The following CFAP43 variants were observed in gnomAD, a reference collection of about 807,000 sequenced individuals.
CFAP43 encodes the protein cilia and flagella associated protein 43, also known as cilia- and flagella-associated protein 43.
CFAP43 carries 155 observed loss-of-function variants against 218.9 expected under a neutral mutation model. The observed-to-expected ratio is 0.71, with a 90% confidence interval of 0.62 to 0.81. CFAP43 has a LOEUF of 0.81. Ranked by LOEUF, CFAP43 falls within the 30% of genes least tolerant of loss-of-function variation. The pLI, the probability that CFAP43 is intolerant of heterozygous loss-of-function variation, is 0.00. For synonymous variants in CFAP43, 645 were observed against 681.3 expected (o/e 0.95, Z 0.83); for missense variants, 1,778 against 1,954.3 (o/e 0.91, Z 1.70).
intron 3 of CFAP43, among the ~76,000 whole-genome samples, chr10:104,222,381 G>T: frequency 6.6e-6 from 1 of 152,276 alleles, no homozygotes. Flanking sequence ...TGCAGCACCC[G>T]AGGGTGCCAT....
intron 7 of CFAP43, among the ~76,000 whole-genome samples, chr10:104,204,717 G>GTAT (rs1486906331): frequency 6.6e-6 from 1 of 152,170 alleles, no homozygotes; most frequent in Non-Finnish European, 1.5e-5. Context: ...AAGTGTAGGT[G>GTAT]TATGTGCTCC....
intron 33 of CFAP43, 118 bp downstream of exon 33, chr10:104,142,163 T>C: frequency 1.3e-6 from 1 of 752,026 alleles, no homozygotes; most frequent in Non-Finnish European, 2.1e-6. Flanking sequence ...TAAAGCACAG[T>C]GCTGGAAGGG....
At chr10:104,152,852 G>A in intron 27 of CFAP43, 126 bp from the exon 28 acceptor site, 1 of 977,378 alleles carries the variant, frequency 1.0e-6, no homozygotes, top group Non-Finnish European at 1.5e-6. Context: ...TCTGGGCTCT[G>A]TACTCTCTTA....
At chr10:104,230,338 A>C (rs1353445660) in intron 2 of CFAP43, among the ~76,000 whole-genome samples, 1 of 151,830 alleles carries the variant, frequency 6.6e-6, no homozygotes. Context: ...GGTGGTGCGC[A>C]CCTGTAATCC....
At position 104,130,139 on chromosome 10, in the gene CFAP43, T is replaced by C. The variant is rs769603551; in HGVS notation, c.4998A>G (p.Ter1666=). 6.4e-7 allele frequency: 1 copy of C among 1,571,200 alleles called. No homozygotes were observed. The highest frequency in any genetic ancestry group is 2.3e-5 in the East Asian group (1 of 43,292). The stretch of plus-strand genomic sequence containing the variant: ...GCCTTGTGTTTTCCTGCCAGCGTTT[T>C]TACATTTGAACAAGAGCAGGAAATG... ...MKTFPALVQM[*] is the part of the protein sequence containing the mutation. Residue 1666 remains the stop codon, a stop_retained_variant, in exon 38 of 38, where the codon TAA becomes TAG. Transcript: ENST00000357060.
At position 104,130,317 on chromosome 10, in the gene CFAP43, A is replaced by G. The variant is rs1308222738; in HGVS notation, c.4832-12T>C. ...AGTCAGTTTAGACCCTATCCCAAAA[A>G]TGAATAAAGGAATTCGATTATTTAT... On this transcript the variant is annotated splice_polypyrimidine_tract_variant and intron_variant, in intron 37 of 37. Transcript: ENST00000357060. 7 of 1,599,770 alleles carry G rather than the reference A, an allele frequency of 4.4e-6. No homozygotes were observed. The highest frequency in any genetic ancestry group is 1.7e-4 in the Middle Eastern group (1 of 6,034).
At chr10:104,218,587 A>G (rs1350350906) in intron 3 of CFAP43, among the ~76,000 whole-genome samples, 2 of 152,084 alleles carry the variant, frequency 1.3e-5, no homozygotes, top group African/African-American at 4.8e-5. Flanking sequence ...TCATTCCAGC[A>G]TGTAGTCAGT....
chr10:104,196,943 A>T lies in CFAP43; in HGVS notation c.1213-10T>A. The T allele has an allele frequency of 6.2e-7, 1 of 1,604,248 alleles. No homozygotes were observed. ...CTGAATATGTAAGTGTCTGTAAAAA[A>T]AGAAAAACAAAAACTCTACATGGAA... On this transcript the variant is annotated splice_polypyrimidine_tract_variant and intron_variant, in intron 9 of 37. Transcript: ENST00000357060.
At chr10:104,226,707 A>G (rs1173241385) in intron 2 of CFAP43, among the ~76,000 whole-genome samples, 1 of 152,164 alleles carries the variant, frequency 6.6e-6, no homozygotes. Flanking sequence ...TTTTATAGCT[A>G]TACTAGCCAT....
chr10:104,171,828 T>C (rs933819019), intron 20 of CFAP43, among the ~76,000 whole-genome samples: 13 of 152,212 alleles, frequency 8.5e-5, no homozygotes, highest in African/African-American at 3.1e-4. Flanking sequence ...GAAAATAATT[T>C]GAATTCTTCT....
Position 104,193,990 on chromosome 10 carries a change from A to T in CFAP43, c.1318T>A (p.Ser440Thr). 1 of 1,613,890 alleles carries T rather than the reference A, an allele frequency of 6.2e-7. No homozygotes were observed. Among genetic ancestry groups the T allele is most frequent in the Non-Finnish European group, 8.5e-7 (1 of 1,180,020 alleles). Reference protein sequence around the residue: ...TLATVLACCPSSLSAAVGTED... With the variant: ...TLATVLACCPTSLSAAVGTED... Reference sequence around the variant, plus strand: ...GTGCCCACGGCTGCAGAGAGGGAGGATGGACAGCAAGCCAGAACCGTTGCC... The same window carrying T: ...GTGCCCACGGCTGCAGAGAGGGAGGTTGGACAGCAAGCCAGAACCGTTGCC... Residue 440 changes from serine to threonine, a missense_variant, in exon 11 of 38, where the codon TCC (serine) becomes ACC (threonine). Transcript: ENST00000357060.
chr10:104,185,033 A>G lies in CFAP43; in HGVS notation c.2124T>C (p.Leu708=). 2 of 1,614,124 alleles carry G rather than the reference A, an allele frequency of 1.2e-6. No homozygotes were observed. Among genetic ancestry groups the G allele is most frequent in the Non-Finnish European group, 1.7e-6 (2 of 1,179,990 alleles). ...ILVNGRDDGT[L]VYLKWKRFGG... is the part of the protein sequence containing the mutation. Reference sequence around the variant, plus strand: ...GTACGTACTTCCACTTTAGGTAGACAAGGGTGCCATCATCTCTCCCATTCA... The same window carrying G: ...GTACGTACTTCCACTTTAGGTAGACGAGGGTGCCATCATCTCTCCCATTCA... Residue 708 remains leucine, a synonymous_variant, in exon 16 of 38, where the codon CTT becomes CTC. Coordinates refer to ENST00000357060, the MANE Select transcript of CFAP43 (RefSeq NM_025145.7).
chr10:104,179,475 T>C (rs2089747984), intron 18 of CFAP43, among the ~76,000 whole-genome samples: 1 of 152,192 alleles, frequency 6.6e-6, no homozygotes, highest in East Asian at 1.9e-4. Context: ...CCTGAATAGC[T>C]GCAGCCACAG....
At chr10:104,158,120 T>C (rs1386323568) in intron 27 of CFAP43, among the ~76,000 whole-genome samples, 3 of 152,162 alleles carry the variant, frequency 2.0e-5, no homozygotes, top group Non-Finnish European at 4.4e-5. Context: ...AGCTCTTCTT[T>C]GCAGAAGAAT....
intron 23 of CFAP43, among the ~76,000 whole-genome samples, chr10:104,165,360 T>C (rs2134825187): frequency 6.6e-6 from 1 of 152,316 alleles, no homozygotes; most frequent in East Asian, 1.9e-4. Flanking sequence ...ATTACCTCCT[T>C]GTAGGAAAAC....
intron 27 of CFAP43, among the ~76,000 whole-genome samples, chr10:104,155,501 ATAACC>A (rs1351729894): frequency 3.9e-5 from 6 of 152,296 alleles, no homozygotes; most frequent in Admixed American, 3.3e-4. Context: ...CAGTTACTAT[ATAACC>A]GTCTTCACTC....
intron 22 of CFAP43, among the ~76,000 whole-genome samples, chr10:104,167,140 C>T (rs2089194362): frequency 6.6e-6 from 1 of 152,056 alleles, no homozygotes; most frequent in African/African-American, 2.4e-5. Flanking sequence ...AGAGTGGGTG[C>T]AAAGTTCTGA....
chr10:104,219,401 T>A (rs562653279), intron 3 of CFAP43, among the ~76,000 whole-genome samples: 1 of 152,336 alleles, frequency 6.6e-6, no homozygotes, highest in African/African-American at 2.4e-5. Flanking sequence ...TCATGCCTTG[T>A]TTCCTTCCAA....
rs1458991602 is a variant in CFAP43 at position 104,179,189 on chromosome 10, C to T, written c.2383-83G>A. On this transcript the variant is annotated intron_variant, in intron 18 of 37. Coordinates refer to ENST00000357060, the MANE Select transcript of CFAP43 (RefSeq NM_025145.7). Reference sequence around the variant, plus strand: ...AGAGAGAGAGAGAGAGAGCAATTCTCTAGAAACAGAAACTAAAATTTGTAA... The same window carrying T: ...AGAGAGAGAGAGAGAGAGCAATTCTTTAGAAACAGAAACTAAAATTTGTAA... 4 of 1,205,092 alleles carry T rather than the reference C, an allele frequency of 3.3e-6. No individual in the cohort carries two copies. The South Asian group carries it at 4.2e-5, about 13-fold the overall frequency. 74.6% of individuals were successfully genotyped at this position (1,205,092 alleles called of 1,614,324 possible).
Sources: gnomAD v4.1 joint callset for allele counts (sites outside exome capture counted in the v4.1 genomes callset) on GRCh38, gnomAD v4.1.1 for gene constraint, MANE v1.5 for transcripts, NCBI Gene and HGNC (gene_info 2026-07-23, HGNC 2026-07-21) for gene names.